The following ITFG1 variants were observed in gnomAD, a reference collection of about 807,000 sequenced individuals.
ITFG1 encodes T-cell immunomodulatory protein.
A neutral mutation model predicts 81.8 loss-of-function variants in ITFG1; 34 were observed. That is an observed-to-expected ratio of 0.42 (90% CI 0.32 to 0.55). ITFG1 has a LOEUF of 0.55. Ranked by LOEUF, ITFG1 falls within the 20% of genes least tolerant of loss-of-function variation. ITFG1 has a pLI of 0.17. For synonymous variants in ITFG1, 285 were observed against 270.6 expected (o/e 1.05, Z -0.52); for missense variants, 672 against 755.4 (o/e 0.89, Z 1.29).
In ITFG1 at chr16:47,443,055, G is replaced by GA. The variant is rs756183703; in HGVS notation, c.560+8340dup. Reference sequence around the variant, plus strand: ...ACAATGAACTCAAACAAATTTACAAGAAAAAAACAACCCCATCAAAAAGTG... The same window carrying GA: ...ACAATGAACTCAAACAAATTTACAAGAAAAAAAACAACCCCATCAAAAAGTG... On this transcript the variant is annotated intron_variant, in intron 5 of 17. Coordinates refer to ENST00000320640, the MANE Select transcript of ITFG1 (RefSeq NM_030790.5). Among the ~76,000 whole-genome samples the GA allele has an allele frequency of 1.7e-3, 251 of 151,866 alleles. 2 individuals carry two copies. The highest frequency in any genetic ancestry group is 5.6e-3 in the African/African-American group (232 of 41,450).
rs1196453361 is a variant in ITFG1, at chr16:47,409,653, G to A, written c.655+19151C>T. 4.7e-5 allele frequency among the ~76,000 whole-genome samples: 7 copies of A among 150,152 alleles called. No homozygotes were observed. In the East Asian group the frequency reaches 1.4e-3, roughly 30 times the overall value. Reference sequence around the variant, plus strand: ...AGAATGGTCTCGATCTCCTGACCTTGTGATCCACCCGCCTCGGCCTCCCAA... The same window carrying A: ...AGAATGGTCTCGATCTCCTGACCTTATGATCCACCCGCCTCGGCCTCCCAA... On this transcript the variant is annotated intron_variant, in intron 6 of 17. Coordinates refer to ENST00000320640, the MANE Select transcript of ITFG1 (RefSeq NM_030790.5).
At chr16:47,236,066 A>C (rs1965870317) in intron 13 of ITFG1, among the ~76,000 whole-genome samples, 1 of 152,202 alleles carries the variant, frequency 6.6e-6, no homozygotes, top group Admixed American at 6.5e-5. Context: ...TTATAAAGGC[A>C]GCTCTGCATG....
chr16:47,173,048 C>A (rs1964980123), intron 14 of ITFG1, among the ~76,000 whole-genome samples: 1 of 152,164 alleles, frequency 6.6e-6, no homozygotes, highest in Non-Finnish European at 1.5e-5. Flanking sequence ...TTTGCACTGG[C>A]TTTCTTCTTT....
At chr16:47,422,292 C>T (rs1335661994) in intron 6 of ITFG1, among the ~76,000 whole-genome samples, 1 of 152,198 alleles carries the variant, frequency 6.6e-6, no homozygotes, top group Non-Finnish European at 1.5e-5. Context: ...ACACTCACAC[C>T]AACAGTGTAA....
chr16:47,430,747 T>C (rs912017608), intron 5 of ITFG1, among the ~76,000 whole-genome samples: 6 of 152,244 alleles, frequency 3.9e-5, no homozygotes, highest in Non-Finnish European at 8.8e-5. Flanking sequence ...AAAGGATCTC[T>C]GGAAAACAGT....
intron 10 of ITFG1, chr16:47,263,557 G>T: frequency 4.0e-6 from 1 of 247,608 alleles, no homozygotes; most frequent in Non-Finnish European, 8.0e-6. Context: ...TGGTAATATG[G>T]ATACAGTGCT....
At chr16:47,416,882 A>G (rs1968882152) in intron 6 of ITFG1, among the ~76,000 whole-genome samples, 1 of 152,222 alleles carries the variant, frequency 6.6e-6, no homozygotes. Flanking sequence ...CTGGACAATG[A>G]GAAGTGTATA....
chr16:47,298,424 T>G (rs1256412127), intron 10 of ITFG1, among the ~76,000 whole-genome samples: 1 of 152,200 alleles, frequency 6.6e-6, no homozygotes, highest in African/African-American at 2.4e-5. Context: ...TCTTTACATA[T>G]GAGAAAACAG....
intron 10 of ITFG1, 43 bp from the exon 11 acceptor site, chr16:47,260,738 C>T (rs766694623): frequency 3.2e-5 from 52 of 1,600,140 alleles, no homozygotes; most frequent in Non-Finnish European, 1.4e-5. Context: ...TAAACATCAA[C>T]ACTGTGGCAT....
intron 8 of ITFG1, among the ~76,000 whole-genome samples, chr16:47,320,821 C>T (rs1054974318): frequency 6.6e-6 from 1 of 152,142 alleles, no homozygotes; most frequent in African/African-American, 2.4e-5. Context: ...GCATTAACTC[C>T]TGGAAGGACA....
intron 15 of ITFG1, among the ~76,000 whole-genome samples, chr16:47,162,336 C>G (rs556419801): frequency 4.7e-4 from 72 of 152,136 alleles, no homozygotes; most frequent in Middle Eastern, 3.4e-3. Flanking sequence ...GGAAAAACTA[C>G]ACGGTATCTT....
At chr16:47,259,474 T>C in intron 11 of ITFG1, among the ~76,000 whole-genome samples, 1 of 151,488 alleles carries the variant, frequency 6.6e-6, no homozygotes, top group Non-Finnish European at 1.5e-5. Flanking sequence ...CAATTACTTT[T>C]ATGGTTGGAA....
At chr16:47,399,405 C>G (rs542299769) in intron 6 of ITFG1, among the ~76,000 whole-genome samples, 37 of 152,118 alleles carry the variant, frequency 2.4e-4, no homozygotes, top group Non-Finnish European at 5.3e-4. Context: ...AACCCCATCT[C>G]TACTAAAAAT....
chr16:47,404,296 A>C (rs1968700826), intron 6 of ITFG1, among the ~76,000 whole-genome samples: 1 of 152,186 alleles, frequency 6.6e-6, no homozygotes, highest in African/African-American at 2.4e-5. Flanking sequence ...TATACATAAC[A>C]CATAAGAGAG....
intron 12 of ITFG1, among the ~76,000 whole-genome samples, chr16:47,242,691 A>G (rs1965948450): frequency 1.3e-5 from 2 of 152,238 alleles, no homozygotes; most frequent in African/African-American, 4.8e-5. Context: ...TGAAGGTGTT[A>G]GGAAAAGAGC....
chr16:47,188,052 A>T (rs1480894514), intron 14 of ITFG1, among the ~76,000 whole-genome samples: 7 of 151,680 alleles, frequency 4.6e-5, no homozygotes, highest in Admixed American at 6.6e-5. Context: ...GCAAATCAAA[A>T]CCACAGTGAG....
chr16:47,293,744 A>G lies in ITFG1; in HGVS notation c.1070+17496T>C, dbSNP rs142011380. On this transcript the variant is annotated intron_variant, in intron 10 of 17. Coordinates refer to ENST00000320640, the MANE Select transcript of ITFG1 (RefSeq NM_030790.5). ...TTGTTGTTGGATTGAGTTATTTATAAATTCTGAATATAAGTCCTTAATCAT... is the reference window on the plus strand; with the variant it reads ...TTGTTGTTGGATTGAGTTATTTATAGATTCTGAATATAAGTCCTTAATCAT... 8.5e-5 allele frequency among the ~76,000 whole-genome samples: 13 copies of G among 152,062 alleles called. No homozygotes were observed. The East Asian group carries it at 2.5e-3, about 29-fold the overall frequency.
chr16:47,255,557 C>G (rs999038397), intron 12 of ITFG1, among the ~76,000 whole-genome samples: 1 of 152,282 alleles, frequency 6.6e-6, no homozygotes, highest in Non-Finnish European at 1.5e-5. Flanking sequence ...CTTAGAGACA[C>G]AGATGAGTCA....
In ITFG1 at chr16:47,326,256, T is replaced by A. The variant is rs978870182; in HGVS notation, c.803-12433A>T. Among the ~76,000 whole-genome samples the A allele has an allele frequency of 2.0e-5, 3 of 152,290 alleles. No individual in the cohort carries two copies. In the East Asian group the frequency reaches 5.8e-4, roughly 29 times the overall value. On this transcript the variant is annotated intron_variant, in intron 8 of 17. Transcript: ENST00000320640. ...TATCTCAATAGATGCAGAAATGGCC[T>A]TTGACAAAATTCAACAACACTTCAT... is the stretch of plus-strand genomic sequence containing the variant.
Sources: allele counts gnomAD v4.1 joint callset (sites outside exome capture counted in the v4.1 genomes callset), GRCh38; gene constraint gnomAD v4.1.1; transcripts MANE v1.5; gene names NCBI Gene and HGNC (gene_info 2026-07-23, HGNC 2026-07-21).